Variants in RTN4 observed in about 807,000 individuals in gnomAD.
RTN4 encodes reticulon 4, also known as reticulon-4.
A neutral mutation model predicts 90.4 loss-of-function variants in RTN4; 32 were observed. That is an observed-to-expected ratio of 0.35 (90% CI 0.27 to 0.48). RTN4 has a LOEUF of 0.48. Ranked by LOEUF, RTN4 falls within the 20% of genes least tolerant of loss-of-function variation. The probability of loss-of-function intolerance (pLI) is 0.99; values close to 1 mark genes in which losing one functional copy is unlikely to be tolerated. For missense variants in RTN4, 1,706 were observed against 1,430.2 expected (o/e 1.19, Z -3.11); for synonymous variants, 629 against 552.5 (o/e 1.14, Z -1.94).
intron 2 of RTN4, among the ~76,000 whole-genome samples, chr2:55,064,455 G>C (rs1401314216): frequency 6.6e-6 from 1 of 150,490 alleles, no homozygotes; most frequent in Non-Finnish European, 1.5e-5. Flanking sequence ...GGTTCAAGCA[G>C]TTCTCCTGCC....
chr2:55,076,797 G>C (rs1668610581), intron 2 of RTN4, among the ~76,000 whole-genome samples: 1 of 152,128 alleles, frequency 6.6e-6, no homozygotes, highest in Non-Finnish European at 1.5e-5. Flanking sequence ...CCCCCATGCT[G>C]TTCTCATGAT....
intron 1 of RTN4, among the ~76,000 whole-genome samples, chr2:55,112,056 T>G (rs768988943): frequency 1.3e-5 from 2 of 152,160 alleles, no homozygotes; most frequent in African/African-American, 2.4e-5. Flanking sequence ...ACCTTCCTAT[T>G]AAATGCTACC....
chr2:55,128,313 T>A, the RTN4 span, among the ~76,000 whole-genome samples: 2 of 152,180 alleles, frequency 1.3e-5, no homozygotes, highest in Non-Finnish European at 1.5e-5. Context: ...GCCTCACATT[T>A]TTTTTGCACC....
Position 55,030,142 on chromosome 2 carries a change from G to A in RTN4, c.557-1922C>T, listed in dbSNP as rs1338955003. On this transcript the variant is annotated intron_variant, in intron 1 of 8. Coordinates refer to ENST00000337526, the MANE Select transcript of RTN4 (RefSeq NM_020532.5). Reference sequence around the variant, plus strand: ...AAGTGAACTAGAAACATATATTACTGTTAAAGTTAGTGGGAAAACAAACTA... The same window carrying A: ...AAGTGAACTAGAAACATATATTACTATTAAAGTTAGTGGGAAAACAAACTA... Among the ~76,000 whole-genome samples, 8 of 152,180 alleles carry A rather than the reference G, an allele frequency of 5.3e-5. No individual in the cohort carries two copies. In the South Asian group the frequency reaches 1.0e-3, roughly 20 times the overall value.
chr2:55,130,966 C>G, the RTN4 span, among the ~76,000 whole-genome samples: 1 of 152,158 alleles, frequency 6.6e-6, no homozygotes, highest in Non-Finnish European at 1.5e-5. Context: ...ACAGAGATGT[C>G]CAAGAGTCAT....
At chr2:55,042,476 G>C (rs1177213787) in intron 1 of RTN4, among the ~76,000 whole-genome samples, 1 of 152,054 alleles carries the variant, frequency 6.6e-6, no homozygotes, top group Non-Finnish European at 1.5e-5. Flanking sequence ...AAAGTGAAAA[G>C]GATATACATG....
upstream of RTN4, among the ~76,000 whole-genome samples, chr2:55,052,260 C>G (rs1668108600): frequency 6.6e-6 from 1 of 152,096 alleles, no homozygotes; most frequent in Admixed American, 6.6e-5. Flanking sequence ...AACAAATGTA[C>G]CACCTCAATG....
At chr2:54,995,241 A>T (rs1246284625) in intron 3 of RTN4, among the ~76,000 whole-genome samples, 1 of 142,104 alleles carries the variant, frequency 7.0e-6, no homozygotes, top group Non-Finnish European at 1.6e-5. Context: ...CCCTATCTCT[A>T]AAAAAAAAAA....
intron 2 of RTN4, among the ~76,000 whole-genome samples, chr2:55,060,364 AT>A (rs1668267885): frequency 6.6e-6 from 1 of 152,162 alleles, no homozygotes; most frequent in Non-Finnish European, 1.5e-5. Context: ...TTTAGTGCTA[AT>A]TATAGCATAT....
intron 3 of RTN4, among the ~76,000 whole-genome samples, chr2:55,007,431 AAATCCAAAACTC>A (rs1354053010): frequency 6.6e-6 from 1 of 152,114 alleles, no homozygotes; most frequent in African/African-American, 2.4e-5. Context: ...TTTTACAATC[AAATCCAAAACTC>A]AATGTCTTCT....
chr2:55,086,497 C>A (rs1184047174), intron 1 of RTN4, among the ~76,000 whole-genome samples: 5 of 146,722 alleles, frequency 3.4e-5, no homozygotes, highest in Non-Finnish European at 3.0e-5. Context: ...CTAATCTCTA[C>A]AAAAAAAAAA....
At chr2:55,003,086 A>G (rs1270296087) in intron 3 of RTN4, among the ~76,000 whole-genome samples, 2 of 152,170 alleles carry the variant, frequency 1.3e-5, no homozygotes, top group East Asian at 3.8e-4. Context: ...ACTGTCCCGT[A>G]ACTCTAGAAA....
intron 1 of RTN4, among the ~76,000 whole-genome samples, chr2:55,112,122 C>T (rs1213619702): frequency 6.6e-6 from 1 of 152,168 alleles, no homozygotes; most frequent in Non-Finnish European, 1.5e-5. Context: ...CTCTGAGAGG[C>T]CCCCTGTGGG....
At chr2:55,037,999 C>T (rs957974728) in intron 1 of RTN4, among the ~76,000 whole-genome samples, 4 of 152,050 alleles carry the variant, frequency 2.6e-5, no homozygotes, top group African/African-American at 9.7e-5. Context: ...AATTTCTTTT[C>T]CCAAAGGCAC....
intron 6 of RTN4, 90 bp downstream of exon 6, chr2:54,974,605 T>A (rs1418734670): frequency 7.3e-6 from 8 of 1,094,812 alleles, no homozygotes; most frequent in Non-Finnish European, 1.1e-5. Flanking sequence ...CTACTTTTCA[T>A]ACAATGAGAA....
intron 2 of RTN4, among the ~76,000 whole-genome samples, chr2:55,061,316 G>GCCT: frequency 2.0e-5 from 3 of 152,052 alleles, no homozygotes; most frequent in African/African-American, 7.2e-5. Context: ...CACCCACCAT[G>GCCT]GCCTCCCAAA....
At chr2:55,043,714 C>T (rs1199790549) in intron 1 of RTN4, among the ~76,000 whole-genome samples, 4 of 152,052 alleles carry the variant, frequency 2.6e-5, no homozygotes, top group Non-Finnish European at 5.9e-5. Context: ...GGTGAAACCC[C>T]GTCTCTACTA....
chr2:55,121,670 A>C, the RTN4 span, among the ~76,000 whole-genome samples: 1 of 152,056 alleles, frequency 6.6e-6, no homozygotes, highest in Non-Finnish European at 1.5e-5. Flanking sequence ...CATTATTCTT[A>C]CTCTTCCTCT....
intron 1 of RTN4, among the ~76,000 whole-genome samples, chr2:55,102,622 C>T (rs1451657233): frequency 6.6e-6 from 1 of 152,084 alleles, no homozygotes; most frequent in African/African-American, 2.4e-5. Context: ...ACATGGCCAA[C>T]TGCCAGTCCC....
Sources: allele counts gnomAD v4.1 joint callset (sites outside exome capture counted in the v4.1 genomes callset), GRCh38; gene constraint gnomAD v4.1.1; transcripts MANE v1.5; gene names NCBI Gene and HGNC (gene_info 2026-07-23, HGNC 2026-07-21).